Variants in PRKN observed in about 807,000 individuals in gnomAD.
PRKN encodes E3 ubiquitin-protein ligase parkin.
In PRKN, 56 loss-of-function variants were observed where a neutral mutation model predicts 59.5. The ratio of observed to expected loss-of-function variants is 0.94; its 90% confidence interval spans 0.76 to 1.18. The LOEUF is 1.18. Among genes scored for constraint, PRKN ranks in the 50% most tolerant of loss-of-function variants. The pLI is 0.00. For synonymous variants in PRKN, 250 were observed against 222.1 expected, an observed-to-expected ratio of 1.13 and a Z score of -1.12; for missense variants, 657 against 596.4, an observed-to-expected ratio of 1.10 and a Z score of -1.06.
intron 6 of PRKN, among the ~76,000 whole-genome samples, chr6:161,838,804 C>G (rs1792865156): frequency 6.6e-6 from 1 of 152,208 alleles, no homozygotes. Context: ...TCACCCTGAG[C>G]TCGCCCTGCG....
At chr6:162,292,991 C>G (rs1264665735) in intron 2 of PRKN, among the ~76,000 whole-genome samples, 3 of 152,084 alleles carry the variant, frequency 2.0e-5, no homozygotes, top group African/African-American at 7.2e-5. Flanking sequence ...TCATGAAGGG[C>G]AAGGAGGAGG....
intron 6 of PRKN, among the ~76,000 whole-genome samples, chr6:161,898,241 A>G (rs1036158608): frequency 3.3e-5 from 5 of 152,232 alleles, no homozygotes; most frequent in Non-Finnish European, 4.4e-5. Context: ...AATCAGATCA[A>G]TTTGGCACAG....
chr6:161,825,922 G>A (rs1169944090), intron 6 of PRKN, among the ~76,000 whole-genome samples: 3 of 152,092 alleles, frequency 2.0e-5, no homozygotes, highest in South Asian at 2.1e-4. Context: ...CTGAAGCTGC[G>A]GCCGGCAAGA....
intron 6 of PRKN, among the ~76,000 whole-genome samples, chr6:161,946,414 A>ACACACACACACACTCTCTCT (rs1247187053): frequency 3.8e-4 from 44 of 114,448 alleles, no homozygotes; most frequent in African/African-American, 9.6e-4. Flanking sequence ...ACACACACAC[A>ACACACACACACACTCTCTCT]CTCTCTCTCT....
At position 162,585,197 on chromosome 6, in the gene PRKN, C is replaced by A. The variant is rs192042750; in HGVS notation, c.8-141724G>T. On this transcript the variant is annotated intron_variant, in intron 1 of 11. Coordinates refer to ENST00000366898, the MANE Select transcript of PRKN (RefSeq NM_004562.3). ...TACAGGCATGAGCCACTGCACCTGG[C>A]CTATAAATACCTTTCTTGGACTATA... is the stretch of plus-strand genomic sequence containing the variant. 8.4e-3 allele frequency among the ~76,000 whole-genome samples: 1,281 copies of A among 151,670 alleles called. 5 individuals carry two copies. Among genetic ancestry groups the A allele is most frequent in the Non-Finnish European group, 0.014 (938 of 67,962 alleles).
intron 6 of PRKN, among the ~76,000 whole-genome samples, chr6:161,876,864 C>G (rs561826419): frequency 6.6e-6 from 1 of 152,086 alleles, no homozygotes; most frequent in East Asian, 1.9e-4. Context: ...TAAAAAATAC[C>G]CACTGGAAAC....
At chr6:162,071,168 C>T (rs1778560498) in intron 4 of PRKN, among the ~76,000 whole-genome samples, 1 of 151,058 alleles carries the variant, frequency 6.6e-6, no homozygotes, top group African/African-American at 2.4e-5. Context: ...TATTTTGTGC[C>T]CTTGAGCACT....
In PRKN at chr6:161,391,327, T is replaced by A. The variant is rs554455028; in HGVS notation, c.1084-4450A>T. Among the ~76,000 whole-genome samples, 4 of 152,194 alleles carry A rather than the reference T, an allele frequency of 2.6e-5. No individual in the cohort carries two copies. The South Asian group carries it at 8.3e-4, about 32-fold the overall frequency. ...ACCTTATGAGTCAACATTAACCGAATGGAAGTTAGTATACCAGGAAACATG... is the reference window on the plus strand; with the variant it reads ...ACCTTATGAGTCAACATTAACCGAAAGGAAGTTAGTATACCAGGAAACATG... On this transcript the variant is annotated intron_variant, in intron 9 of 11. Transcript: ENST00000366898. The surrounding 1 kb of genome is among the most constrained non-coding windows in gnomAD (Gnocchi z 4.9).
intron 1 of PRKN, chr6:162,695,084 G>T (rs1777919914): frequency 6.6e-6 from 1 of 152,132 alleles, no homozygotes. Context: ...TAGAAATGAG[G>T]AGAAATTGAA....
At chr6:162,687,479 T>G (rs1005085045) in intron 1 of PRKN, among the ~76,000 whole-genome samples, 2 of 151,896 alleles carry the variant, frequency 1.3e-5, no homozygotes, top group Non-Finnish European at 2.9e-5. Flanking sequence ...CCACCGTGAC[T>G]GGCCACAAAA....
intron 5 of PRKN, among the ~76,000 whole-genome samples, chr6:161,988,986 C>T (rs769951861): frequency 4.6e-5 from 7 of 152,066 alleles, no homozygotes; most frequent in African/African-American, 9.7e-5. Context: ...AAGCGCACAA[C>T]GTGCAGGTTA....
At chr6:162,698,248 C>G (rs2023038) in intron 1 of PRKN, among the ~76,000 whole-genome samples, 119,567 of 151,972 alleles carry the variant, frequency 0.79, 47,233 homozygotes, top group East Asian at 0.97. Context: ...CTAACAGAAC[C>G]TTGGCATTAC....
At chr6:161,829,772 T>C (rs1167862362) in intron 6 of PRKN, among the ~76,000 whole-genome samples, 4 of 149,198 alleles carry the variant, frequency 2.7e-5, no homozygotes, top group African/African-American at 7.5e-5. Flanking sequence ...ACATGTGCTC[T>C]GAAGGCACCA....
chr6:162,079,588 G>A (rs1169646181), intron 4 of PRKN, among the ~76,000 whole-genome samples: 1 of 151,862 alleles, frequency 6.6e-6, no homozygotes, highest in African/African-American at 2.4e-5. Flanking sequence ...CCCTCTCATG[G>A]TTCCCCCTTA....
At position 162,562,467 on chromosome 6, in the gene PRKN, T is replaced by C. The variant is rs547023394; in HGVS notation, c.8-118994A>G. 2.0e-5 allele frequency among the ~76,000 whole-genome samples: 3 copies of C among 152,248 alleles called. No homozygotes were observed. The South Asian group carries it at 6.2e-4, about 32-fold the overall frequency. ...TGCCCTGGGCCAGTGGGAAGTCCACTGCTCTGAAGGGTGAGTCCCAGACCA... is the reference window on the plus strand; with the variant it reads ...TGCCCTGGGCCAGTGGGAAGTCCACCGCTCTGAAGGGTGAGTCCCAGACCA... On this transcript the variant is annotated intron_variant, in intron 1 of 11. Transcript: ENST00000366898.
chr6:162,537,944 C>T (rs565113929), intron 1 of PRKN, among the ~76,000 whole-genome samples: 338 of 152,308 alleles, frequency 2.2e-3, no homozygotes, highest in African/African-American at 7.9e-3. Context: ...TGTGGATTCT[C>T]TTCTTAAACT....
At position 161,369,748 on chromosome 6, in the gene PRKN, A is replaced by C. The variant is rs1785364959; in HGVS notation, c.1168-9543T>G. Among the ~76,000 whole-genome samples, 1 of 151,866 alleles carries C rather than the reference A, an allele frequency of 6.6e-6. No homozygotes were observed. Among genetic ancestry groups the C allele is most frequent in the South Asian group, 2.1e-4 (1 of 4,820 alleles). Reference sequence around the variant, plus strand: ...ATGGCTGAAAATAGCGATTTCATAAATATATATATGAAACATCTATAATAT... The same window carrying C: ...ATGGCTGAAAATAGCGATTTCATAACTATATATATGAAACATCTATAATAT... On this transcript the variant is annotated intron_variant, in intron 10 of 11. Transcript: ENST00000366898. The surrounding 1 kb of genome is among the most constrained non-coding windows in gnomAD (Gnocchi z 5.8).
At chr6:161,643,587 T>G (rs1328818660) in intron 7 of PRKN, among the ~76,000 whole-genome samples, 2 of 152,216 alleles carry the variant, frequency 1.3e-5, no homozygotes, top group Non-Finnish European at 2.9e-5. Flanking sequence ...GAAGTGTATA[T>G]TGCAATCTAC....
At chr6:162,575,315 T>G (rs931222227) in intron 1 of PRKN, among the ~76,000 whole-genome samples, 1 of 152,162 alleles carries the variant, frequency 6.6e-6, no homozygotes, top group Non-Finnish European at 1.5e-5. Flanking sequence ...CTCTGCATGG[T>G]CACACCCAGT....
Sources: allele counts gnomAD v4.1 joint callset (sites outside exome capture counted in the v4.1 genomes callset), GRCh38; gene constraint gnomAD v4.1.1; non-coding constraint Gnocchi (gnomAD v3.1); transcripts MANE v1.5; gene names NCBI Gene and HGNC (gene_info 2026-07-23, HGNC 2026-07-21).